KLHDC1: variants seen among roughly 807,000 people sequenced by gnomAD.
KLHDC1 encodes the protein kelch domain containing 1, also known as kelch domain-containing protein 1.
A neutral mutation model predicts 68.3 loss-of-function variants in KLHDC1; 53 were observed. The ratio of observed to expected loss-of-function variants is 0.78; its 90% CI spans 0.62 to 0.98. The LOEUF (loss-of-function observed/expected upper bound fraction) is 0.98, where lower values mean the gene tolerates loss of function less well. KLHDC1 is among the 50% of genes least tolerant of loss of function. The pLI, the probability that KLHDC1 is intolerant of heterozygous loss-of-function variation, is 0.00. For synonymous variants in KLHDC1, 148 were observed against 159.0 expected, an observed-to-expected ratio of 0.93 and a Z score of 0.52; for missense variants, 470 against 492.3, an observed-to-expected ratio of 0.95 and a Z score of 0.43.
At chr14:49,693,347 G>A (rs1193964214) in intron 1 of KLHDC1, 57 bp downstream of exon 1, 2 of 1,225,750 alleles carry the variant, frequency 1.6e-6, no homozygotes, top group Non-Finnish European at 2.1e-6. Context: ...CGGCCTGAGC[G>A]GACGCAGCGC....
intron 1 of KLHDC1, among the ~76,000 whole-genome samples, chr14:49,698,034 GTCT>G (rs1449183563): frequency 1.3e-5 from 2 of 152,152 alleles, no homozygotes; most frequent in African/African-American, 4.8e-5. Context: ...GATGCAAAGA[GTCT>G]AGATATAAAG....
chr14:49,740,225 G>A, intron 11 of KLHDC1, 43 bp downstream of exon 11: 1 of 1,176,698 alleles, frequency 8.5e-7, no homozygotes, highest in Non-Finnish European at 1.3e-6. Flanking sequence ...GAGTAGTTGT[G>A]TTATTCACAC....
At chr14:49,702,411 A>G (rs957471219) in intron 1 of KLHDC1, among the ~76,000 whole-genome samples, 1 of 152,178 alleles carries the variant, frequency 6.6e-6, no homozygotes, top group African/African-American at 2.4e-5. Context: ...AAATTTAGCA[A>G]TGTGTATCAA....
At position 49,724,002 on chromosome 14, in the gene KLHDC1, A is replaced by C. The variant is rs139064647; in HGVS notation, c.483+50A>C. 1.3e-3 allele frequency: 1,296 copies of C among 999,282 alleles called. 10 individuals carry two copies. The African/African-American group carries it at 0.019, about 15-fold the overall frequency. The allele number at this position is 999,282 out of a possible 1,614,324, so 61.9% of individuals were successfully genotyped here. Reference sequence around the variant, plus strand: ...TTTTCCTCCAAGTCAGTATAGCCTTAACATCTTAGAAATAATGAGTCTAGT... The same window carrying C: ...TTTTCCTCCAAGTCAGTATAGCCTTCACATCTTAGAAATAATGAGTCTAGT... On this transcript the variant is annotated intron_variant, in intron 5 of 12. Coordinates refer to ENST00000359332, the MANE Select transcript of KLHDC1 (RefSeq NM_172193.3).
intron 1 of KLHDC1, among the ~76,000 whole-genome samples, chr14:49,694,879 A>T (rs551798388): frequency 1.2e-3 from 182 of 152,260 alleles, no homozygotes; most frequent in African/African-American, 4.3e-3. Flanking sequence ...AAAACTGTAC[A>T]TACCTAATTT....
chr14:49,708,441 T>A (rs763592885), intron 1 of KLHDC1: 1 of 152,270 alleles, frequency 6.6e-6, no homozygotes, highest in Non-Finnish European at 1.5e-5. Flanking sequence ...TATGGCAGAT[T>A]TATGTAAAAA....
At chr14:49,730,907 G>C (rs1298474518) in intron 8 of KLHDC1, among the ~76,000 whole-genome samples, 1 of 152,170 alleles carries the variant, frequency 6.6e-6, no homozygotes, top group East Asian at 1.9e-4. Context: ...GGGAGGTGGA[G>C]GTTGCATTGA....
intron 4 of KLHDC1, among the ~76,000 whole-genome samples, chr14:49,712,179 A>G (rs181952247): frequency 2.0e-5 from 3 of 151,718 alleles, no homozygotes; most frequent in South Asian, 2.1e-4. Flanking sequence ...CAGCCTCCCA[A>G]CGTGCTGGGA....
At chr14:49,732,579 A>G in intron 8 of KLHDC1, 125 bp from the exon 9 acceptor site, 1 of 487,468 alleles carries the variant, frequency 2.1e-6, no homozygotes, top group Non-Finnish European at 3.6e-6. Context: ...ATATTCATGT[A>G]GGTGGGACTA....
rs183083275 is a variant in KLHDC1, at chr14:49,729,029, A to G, written c.651+20A>G. 20 of 1,549,696 alleles carry G rather than the reference A, an allele frequency of 1.3e-5. No homozygotes were observed. In the East Asian group the frequency reaches 3.1e-4, roughly 24 times the overall value. ...GTTCTGGTTAGTGTTTTTAATGGAA[A>G]TGGTATTTTTATGTGCAATGCTCCT... On this transcript the variant is annotated intron_variant, in intron 7 of 12. Transcript: ENST00000359332.
chr14:49,709,296 G>T, intron 2 of KLHDC1, 67 bp downstream of exon 2: 1 of 689,726 alleles, frequency 1.4e-6, no homozygotes. Context: ...GTAGACTCTA[G>T]GGAATTTGAG....
At chr14:49,750,875 C>G (rs950574397) in intron 12 of KLHDC1, 13 of 152,178 alleles carry the variant, frequency 8.5e-5, no homozygotes, top group Admixed American at 8.5e-4. Context: ...CTTGGCACTT[C>G]CTGTATCGCT....
intron 1 of KLHDC1, among the ~76,000 whole-genome samples, chr14:49,703,895 G>A (rs1887974487): frequency 1.3e-5 from 2 of 151,544 alleles, no homozygotes; most frequent in Admixed American, 1.3e-4. Flanking sequence ...CTAATTTTTT[G>A]CTATTGTAAG....
chr14:49,707,338 CTTTTTTTTTTT>C (rs1191432812), intron 1 of KLHDC1, among the ~76,000 whole-genome samples: 7 of 61,774 alleles, frequency 1.1e-4, no homozygotes, highest in Non-Finnish European at 2.2e-4. Flanking sequence ...ACAAGATATT[CTTTTTTTTTTT>C]TTTTTTTTTT....
Position 49,728,677 on chromosome 14 carries a change from T to G in KLHDC1, c.568-249T>G, listed in dbSNP as rs76916566. Among the ~76,000 whole-genome samples the G allele has an allele frequency of 4.2e-3, 634 of 152,352 alleles. 3 individuals carry two copies. Among genetic ancestry groups the G allele is most frequent in the Non-Finnish European group, 5.5e-3 (377 of 68,038 alleles). On this transcript the variant is annotated intron_variant, in intron 6 of 12. Transcript: ENST00000359332. ...AAATTTACATGAAACCTTATTTTGC[T>G]AAATAGTGTCAGACATATAAGAAAA...
At chr14:49,699,438 A>G (rs1887839243) in intron 1 of KLHDC1, among the ~76,000 whole-genome samples, 1 of 151,408 alleles carries the variant, frequency 6.6e-6, no homozygotes. Context: ...AAAAAAAAAG[A>G]GGACATGGCA....
intron 3 of KLHDC1, 26 bp downstream of exon 3, chr14:49,709,852 G>T (rs1304622389): frequency 1.7e-6 from 2 of 1,168,740 alleles, no homozygotes; most frequent in Non-Finnish European, 2.5e-6. Flanking sequence ...ATTCAAGAGT[G>T]CAGCAAAATG....
At chr14:49,727,637 G>A (rs1888705430) in intron 6 of KLHDC1, among the ~76,000 whole-genome samples, 1 of 152,052 alleles carries the variant, frequency 6.6e-6, no homozygotes, top group South Asian at 2.1e-4. Context: ...CTTCTATATA[G>A]TAGAAGAATT....
At chr14:49,715,319 C>T (rs963489162) in intron 4 of KLHDC1, among the ~76,000 whole-genome samples, 1 of 151,322 alleles carries the variant, frequency 6.6e-6, no homozygotes, top group African/African-American at 2.4e-5. Context: ...GATGGGGTTT[C>T]ACCATGTTGG....
Sources: gnomAD v4.1 joint callset for allele counts (sites outside exome capture counted in the v4.1 genomes callset) on GRCh38, gnomAD v4.1.1 for gene constraint, MANE v1.5 for transcripts, NCBI Gene and HGNC (gene_info 2026-07-23, HGNC 2026-07-21) for gene names.